Variants in TNXB observed in about 807,000 individuals in gnomAD.
TNXB encodes the protein tenascin XB.
A neutral mutation model predicts 340.5 loss-of-function variants in TNXB; 183 were observed. That is an observed-to-expected ratio of 0.54 (90% confidence interval 0.48 to 0.61). TNXB has a LOEUF of 0.61. Ranked by LOEUF, TNXB falls within the 20% of genes least tolerant of loss-of-function variation. The pLI, the probability that TNXB is intolerant of heterozygous loss-of-function variation, is 0.00. For synonymous variants in TNXB, 2,121 were observed against 2,314.5 expected (o/e 0.92, Z 2.40); for missense variants, 4,613 against 5,446.4 (o/e 0.85, Z 4.82).
rs779482777 is a variant in TNXB, at chr6:32,052,799, C to T, written c.8986G>A (p.Val2996Met). The change falls in exon 26 of 44, where the codon GTG (valine) becomes ATG (methionine). Residue 2996 changes from valine (V) to methionine (M), a missense_variant. Transcript: ENST00000644971. This position sits in a 1 kb window ranked among gnomAD's most constrained non-coding sequence, Gnocchi z 4.7. ...TCGCTCTCCTCGCCCCTGACACGCA[C>T]CACCTGGGGCCGCCCGTCCCTGTCC... is the stretch of plus-strand genomic sequence containing the variant. The part of the protein sequence containing the change: ...YKDRDGRPQV[V>M]RVRGEESEVT... 9.9e-6 allele frequency: 16 copies of T among 1,613,676 alleles called. No individual in the cohort carries two copies. Among genetic ancestry groups the T allele is most frequent in the East Asian group, 2.2e-5 (1 of 44,896 alleles).
chr6:32,103,555 C>T (rs1780829721), intron 1 of TNXB, among the ~76,000 whole-genome samples: 1 of 152,006 alleles, frequency 6.6e-6, no homozygotes, highest in Non-Finnish European at 1.5e-5. Context: ...TTGATGTTTA[C>T]ATTTCCTTAT....
Position 32,065,029 on chromosome 6 carries a change from G to C in TNXB, c.6633C>G (p.Ser2211Arg). ...GGCCCTCGGGGACTGTCCAGGAGAG[G>C]CTGAGGGAGTCGGAGGTGATGTCTC... is the stretch of plus-strand genomic sequence containing the variant. The part of the protein sequence containing the change: ...TVRDITSDSL[S>R]LSWTVPEGQF... Residue 2211 changes from serine (S) to arginine (R), a missense_variant, in exon 19 of 44, where the codon AGC becomes AGG. By Grantham distance (110) the Ser-to-Arg change is moderately radical (BLOSUM62 -1). This residue lies in a region of TNXB where 4,327 missense variants were observed against 4,859.4 expected (regional missense o/e 0.89). Transcript: ENST00000644971. The C allele has an allele frequency of 1.9e-6, 3 of 1,609,308 alleles. No homozygotes were observed. Among genetic ancestry groups the C allele is most frequent in the Non-Finnish European group, 1.7e-6 (2 of 1,178,320 alleles).
In TNXB at chr6:32,083,989, CT is replaced by C. The variant is rs1173818153; in HGVS notation, c.3445+423del. Reference sequence around the variant, plus strand: ...ACCAGCTCTTAACTCACTTCTCCAGCTAGTCTCAGCAGCCACCCGGTTATTT... The same window carrying C: ...ACCAGCTCTTAACTCACTTCTCCAGCAGTCTCAGCAGCCACCCGGTTATTT... On this transcript the variant is annotated intron_variant, in intron 8 of 43. Transcript: ENST00000644971. This position sits in a 1 kb window ranked among gnomAD's most constrained non-coding sequence, Gnocchi z 4.6. Among the ~76,000 whole-genome samples the C allele has an allele frequency of 6.6e-6, 1 of 152,188 alleles. No individual in the cohort carries two copies. Among genetic ancestry groups the C allele is most frequent in the Non-Finnish European group, 1.5e-5 (1 of 68,026 alleles).
rs1297022056 is a variant in TNXB at position 32,097,993 on chromosome 6, T to C, written c.206A>G (p.Lys69Arg). The C allele has an allele frequency of 2.5e-6, 4 of 1,607,254 alleles. No homozygotes were observed. The highest frequency in any genetic ancestry group is 3.4e-6 in the Non-Finnish European group (4 of 1,178,112). Reference protein sequence around the residue: ...LYEHTVEGGEKQVVFTHRINL... With the variant: ...LYEHTVEGGERQVVFTHRINL... ...AATGCGGTGGGTGAATACCACCTGC[T>C]TCTCCCCTCCTTCCACTGTGTGCTC... Residue 69 changes from lysine (K) to arginine (R), a missense_variant, in exon 2 of 44, where the codon AAG (lysine) becomes AGG (arginine). Physicochemically the swap from Lys to Arg is conservative, Grantham distance 26 (BLOSUM62 2). Around this residue, in one of 7 missense-constraint regions of TNXB, gnomAD observed 4,327 missense variants for 4,859.4 expected, o/e 0.89. Transcript: ENST00000644971. This position sits in a 1 kb window ranked among gnomAD's most constrained non-coding sequence, Gnocchi z 5.9.
At position 32,048,648 on chromosome 6, in the gene TNXB, G is replaced by A; in HGVS notation, c.9760C>T (p.Pro3254Ser). 1 of 1,475,476 alleles carries A rather than the reference G, an allele frequency of 6.8e-7. No homozygotes were observed. The highest frequency in any genetic ancestry group is 1.5e-5 in the South Asian group (1 of 66,214). 91.4% of individuals were successfully genotyped at this position (1,475,476 alleles called of 1,614,324 possible). A position where few individuals can be genotyped will look rare whatever the true frequency, so the allele number is the denominator to read the frequency against. ...TCCACCGGCAGTGGTGTGGGCAGGG[G>A]CGCTGAAAAGAGCAGAGCAGGCCCA... ...GPVSTVGITA[P>S]LPTPLPVEPR... Residue 3254 changes from proline (P) to serine (S), a missense_variant and splice_region_variant, in exon 29 of 44, where the codon CCC (proline) becomes TCC (serine). This residue lies in a region of TNXB where 4,327 missense variants were observed against 4,859.4 expected (regional missense o/e 0.89). Transcript: ENST00000644971.
At chr6:32,060,992 A>G (rs562262795) in intron 21 of TNXB, among the ~76,000 whole-genome samples, 1 of 152,018 alleles carries the variant, frequency 6.6e-6, no homozygotes, top group South Asian at 2.1e-4. Flanking sequence ...ATGTTAAAAC[A>G]TTTCAGTGGC....
rs1394860624 is a variant in TNXB, at chr6:32,062,176, C to G, written c.7149G>C (p.Val2383=). 1.2e-6 allele frequency: 2 copies of G among 1,611,664 alleles called. No individual in the cohort carries two copies. The highest frequency in any genetic ancestry group is 8.5e-7 in the Non-Finnish European group (1 of 1,178,752). ...GFHGGQRVGP[V]SAIGVTAAEE... is the part of the protein sequence containing the mutation. ...ACTCACCTGTCACCCCGATGGCAGACACGGGGCCCACACGCTGGCCACCGT... is the reference window on the plus strand; with the variant it reads ...ACTCACCTGTCACCCCGATGGCAGAGACGGGGCCCACACGCTGGCCACCGT... The change falls in exon 20 of 44, where the codon GTG becomes GTC. Residue 2383 remains valine (V), a synonymous_variant. Transcript: ENST00000644971. This position sits in a 1 kb window ranked among gnomAD's most constrained non-coding sequence, Gnocchi z 4.3.
Position 32,067,682 on chromosome 6 carries a change from C to T in TNXB, c.6523G>A (p.Val2175Met). 1.9e-6 allele frequency: 3 copies of T among 1,613,716 alleles called. No individual in the cohort carries two copies. Among genetic ancestry groups the T allele is most frequent in the Non-Finnish European group, 2.5e-6 (3 of 1,179,744 alleles). The stretch of plus-strand genomic sequence containing the variant: ...TCACCCGTGACGCCCACAGCAGACA[C>T]TGGGCCCACGCGCCGCCCCTCGTGG... ...GLHEGRRVGP[V>M]SAVGVTAPEE... The change falls in exon 18 of 44, where the codon GTG becomes ATG. Residue 2175 changes from valine to methionine, a missense_variant. Val to Met is a conservative substitution (Grantham distance 21, BLOSUM62 1). Transcript: ENST00000644971. The surrounding 1 kb of genome is among the most constrained non-coding windows in gnomAD (Gnocchi z 4.2).
chr6:32,048,744 G>A lies in TNXB; in HGVS notation c.9758-94C>T, dbSNP rs908015622. On this transcript the variant is annotated intron_variant, in intron 28 of 43. Coordinates refer to ENST00000644971, the MANE Select transcript of TNXB (RefSeq NM_001365276.2). The stretch of plus-strand genomic sequence containing the variant: ...AGGACTGGAGTGAGCATTTCTTAGC[G>A]GCCTCCTCTAAAACGCTTGTTTTAG... 360 of 1,233,822 alleles carry A rather than the reference G, an allele frequency of 2.9e-4. 1 individual carries two copies. The highest frequency in any genetic ancestry group is 3.5e-4 in the Non-Finnish European group (336 of 960,872). 76.4% of individuals were successfully genotyped at this position (1,233,822 alleles called of 1,614,324 possible). A position where few individuals can be genotyped will look rare whatever the true frequency, so the allele number is the denominator to read the frequency against.
rs766045012 is a variant in TNXB at position 32,049,263 on chromosome 6, C to G, written c.9757+7G>C. On this transcript the variant is annotated splice_region_variant and intron_variant, in intron 28 of 43. Coordinates refer to ENST00000644971, the MANE Select transcript of TNXB (RefSeq NM_001365276.2). The surrounding 1 kb of genome is among the most constrained non-coding windows in gnomAD (Gnocchi z 4.5). Reference sequence around the variant, plus strand: ...ACCTGGGGACGAGGGCCTGTCCCCCCACTCACCCGTGATGCCCACGGTGGA... The same window carrying G: ...ACCTGGGGACGAGGGCCTGTCCCCCGACTCACCCGTGATGCCCACGGTGGA... 1.7e-5 allele frequency: 28 copies of G among 1,606,392 alleles called. No individual in the cohort carries two copies. Among genetic ancestry groups the G allele is most frequent in the Non-Finnish European group, 2.0e-5 (23 of 1,175,628 alleles).
rs1192988680 is a variant in TNXB, at chr6:32,058,266, G to A, written c.7617C>T (p.Ser2539=). ...TVTGSSPDSL[S]LSWTVPQGRF... is the part of the protein sequence containing the mutation. Reference sequence around the variant, plus strand: ...GGCCCTGGGGGACGGTCCAGGAAAGGCTCAGCGAGTCAGGGGAGGATCCTG... The same window carrying A: ...GGCCCTGGGGGACGGTCCAGGAAAGACTCAGCGAGTCAGGGGAGGATCCTG... Residue 2539 remains serine (S), a synonymous_variant, in exon 22 of 44, where the codon AGC becomes AGT. Coordinates refer to ENST00000644971, the MANE Select transcript of TNXB (RefSeq NM_001365276.2). This position sits in a 1 kb window ranked among gnomAD's most constrained non-coding sequence, Gnocchi z 5.1. 2 of 1,612,304 alleles carry A rather than the reference G, an allele frequency of 1.2e-6. No homozygotes were observed. Among genetic ancestry groups the A allele is most frequent in the African/African-American group, 1.3e-5 (1 of 74,726 alleles).
rs9281648 is a variant in TNXB at position 32,067,132 on chromosome 6, G to GAAGAAAGAAAGA, written c.6544+517_6544+528dup. On this transcript the variant is annotated intron_variant, in intron 18 of 43. Coordinates refer to ENST00000644971, the MANE Select transcript of TNXB (RefSeq NM_001365276.2). This position sits in a 1 kb window ranked among gnomAD's most constrained non-coding sequence, Gnocchi z 4.2. ...AAGAAAGAGAAAGAAAGAAAGGAAG[G>GAAGAAAGAAAGA]AAGAAAGAAAGAAAGAAAGAAAGAA... is the stretch of plus-strand genomic sequence containing the variant. Among the ~76,000 whole-genome samples, 16,103 of 117,722 alleles carry GAAGAAAGAAAGA rather than the reference G, an allele frequency of 0.14. 1,437 individuals are homozygous for GAAGAAAGAAAGA. Among genetic ancestry groups the GAAGAAAGAAAGA allele is most frequent in the East Asian group, 0.25 (1,015 of 4,062 alleles). 77.2% of individuals were successfully genotyped at this position (117,722 alleles called of 152,430 possible).
At position 32,070,349 on chromosome 6, in the gene TNXB, T is replaced by C. The variant is rs1301482577; in HGVS notation, c.5056A>G (p.Thr1686Ala). 6.2e-7 allele frequency: 1 copy of C among 1,608,712 alleles called. No individual in the cohort carries two copies. The highest frequency in any genetic ancestry group is 8.5e-7 in the Non-Finnish European group (1 of 1,178,150). The change falls in exon 14 of 44, where the codon ACC becomes GCC. Residue 1686 changes from threonine (T) to alanine (A), a missense_variant. Coordinates refer to ENST00000644971, the MANE Select transcript of TNXB (RefSeq NM_001365276.2). This position sits in a 1 kb window ranked among gnomAD's most constrained non-coding sequence, Gnocchi z 6.0. The part of the protein sequence containing the change: ...RLGELWVTDP[T>A]PDSLRLSWTV... The stretch of plus-strand genomic sequence containing the variant: ...CAGGAGAGGCGCAGTGAGTCTGGGG[T>C]GGGGTCTGTCACCCACAGCTCCCCA...
rs1344765873 is a variant in TNXB, at chr6:32,087,715, G to C, written c.2779+1070C>G. On this transcript the variant is annotated intron_variant, in intron 6 of 43. Transcript: ENST00000644971. The surrounding 1 kb of genome is among the most constrained non-coding windows in gnomAD (Gnocchi z 9.0). ...GATGTGGCGCGCCACCGACGTGTAA[G>C]TCTGGTTGGCCCGCAGTGGGTAGCC... 2.1e-6 allele frequency: 1 copy of C among 480,058 alleles called. No homozygotes were observed. The allele number at this position is 480,058 out of a possible 1,614,324, so 29.7% of individuals were successfully genotyped here.
chr6:32,066,794 C>T (rs535608031), intron 18 of TNXB, among the ~76,000 whole-genome samples: 39 of 152,128 alleles, frequency 2.6e-4, no homozygotes, highest in Non-Finnish European at 4.3e-4. Context: ...AACATTCAGG[C>T]CGGGTGTGGC....
intron 1 of TNXB, among the ~76,000 whole-genome samples, chr6:32,101,742 A>G (rs1780733187): frequency 6.6e-6 from 1 of 151,922 alleles, no homozygotes; most frequent in African/African-American, 2.4e-5. Context: ...ATTTTATTTT[A>G]AGATAAACTC....
rs1777159821 is a variant in TNXB, at chr6:32,049,899, G to A, written c.9439+99C>T. On this transcript the variant is annotated intron_variant, in intron 27 of 43. Transcript: ENST00000644971. This position sits in a 1 kb window ranked among gnomAD's most constrained non-coding sequence, Gnocchi z 4.5. ...CCCCAGCCACAAGCAGTTCTGTGGT[G>A]CTGACCAGACCCCTGTCCCATTCCC... 19 of 1,561,260 alleles carry A rather than the reference G, an allele frequency of 1.2e-5. No homozygotes were observed. The highest frequency in any genetic ancestry group is 2.3e-5 in the East Asian group (1 of 43,914).
At chr6:32,078,885 A>G in intron 11 of TNXB, 148 bp downstream of exon 11, 2 of 844,840 alleles carry the variant, frequency 2.4e-6, no homozygotes, top group Non-Finnish European at 3.5e-6. Context: ...AGCTGGTGGT[A>G]CGCCAGTCCC....
Position 32,084,867 on chromosome 6 carries a change from GGGGCATTTCC to G in TNXB, c.3149-168_3149-159del, listed in dbSNP as rs2127262730. ...CTCAGTGACTAGCTCTTCTGGAAGAGGGGCATTTCCCTCTCAATCTCTGCTTCTTCCCTTG... is the reference window on the plus strand; with the variant it reads ...CTCAGTGACTAGCTCTTCTGGAAGAGCTCTCAATCTCTGCTTCTTCCCTTG... On this transcript the variant is annotated intron_variant, in intron 7 of 43. Transcript: ENST00000644971. This position sits in a 1 kb window ranked among gnomAD's most constrained non-coding sequence, Gnocchi z 5.5. 6.6e-6 allele frequency among the ~76,000 whole-genome samples: 1 copy of G among 152,240 alleles called. No homozygotes were observed. Among genetic ancestry groups the G allele is most frequent in the African/African-American group, 2.4e-5 (1 of 41,530 alleles).
Sources: allele counts gnomAD v4.1 joint callset (sites outside exome capture counted in the v4.1 genomes callset), GRCh38; gene constraint gnomAD v4.1.1; regional missense constraint gnomAD v4.1.1; non-coding constraint Gnocchi (gnomAD v3.1); transcripts MANE v1.5; gene names NCBI Gene and HGNC (gene_info 2026-07-23, HGNC 2026-07-21).